COL4A5: variants seen among roughly 807,000 people sequenced by gnomAD.
COL4A5 encodes collagen type IV alpha 5 chain.
COL4A5 carries 26 observed loss-of-function variants against 130.2 expected under a neutral mutation model. That is an observed-to-expected ratio of 0.20 (90% confidence interval 0.15 to 0.28). The LOEUF is 0.28. Ranked by LOEUF, COL4A5 falls within the 10% of genes least tolerant of loss-of-function variation. The pLI is 1.00. For missense variants in COL4A5, 1,131 were observed against 1,344.3 expected (o/e 0.84, Z 2.48); for synonymous variants, 496 against 439.6 (o/e 1.13, Z -1.60).
At chrX:108,575,887 T>C (rs2066139425) in intron 9 of COL4A5, 23 bp from the exon 10 acceptor site, 2 of 1,101,672 alleles carry the variant, frequency 1.8e-6, no homozygotes, top group Admixed American at 4.5e-5. Context: ...TTTTCATCAT[T>C]TTCTTTACTC....
chrX:108,643,723 AC>A (rs1478497871), intron 36 of COL4A5, among the ~76,000 whole-genome samples: 1 of 112,245 alleles, frequency 8.9e-6, no homozygotes, highest in Non-Finnish European at 1.9e-5. Flanking sequence ...GAGCTCTAAA[AC>A]TTGAAACAAA....
In COL4A5 at chrX:108,544,842, G is replaced by C. The variant is rs1362914927; in HGVS notation, c.141+5037G>C. Among the ~76,000 whole-genome samples, 5 of 111,814 alleles carry C rather than the reference G, an allele frequency of 4.5e-5. No homozygotes were observed. The East Asian group carries it at 1.1e-3, about 25-fold the overall frequency. On this transcript the variant is annotated intron_variant, in intron 2 of 52. Coordinates refer to ENST00000328300, the MANE Select transcript of COL4A5 (RefSeq NM_033380.3). Reference sequence around the variant, plus strand: ...TTCTTCCTGGTTTAGTCTTGGGAGAGTGTATGTGTTGAGGAGTTTATCCAT... The same window carrying C: ...TTCTTCCTGGTTTAGTCTTGGGAGACTGTATGTGTTGAGGAGTTTATCCAT...
intron 48 of COL4A5, among the ~76,000 whole-genome samples, chrX:108,686,906 TAAC>T (rs1238050548): frequency 8.9e-6 from 1 of 111,981 alleles, no homozygotes; most frequent in African/African-American, 3.2e-5. Context: ...TCTAGGGAAA[TAAC>T]AAGTTAGTGT....
chrX:108,558,003 C>T (rs868022039), intron 2 of COL4A5, among the ~76,000 whole-genome samples: 51 of 107,096 alleles, frequency 4.8e-4, no homozygotes, highest in African/African-American at 1.7e-3. Flanking sequence ...TATACATGTG[C>T]CATGTTGGTG....
chrX:108,468,068 T>TAC (rs1185077267), intron 1 of COL4A5, among the ~76,000 whole-genome samples: 1 of 111,856 alleles, frequency 8.9e-6, no homozygotes, highest in East Asian at 2.8e-4. Flanking sequence ...ATGTTTTATA[T>TAC]ACATCTTATA....
intron 36 of COL4A5, among the ~76,000 whole-genome samples, chrX:108,634,563 A>T (rs1419304156): frequency 8.9e-6 from 1 of 111,915 alleles, no homozygotes; most frequent in Non-Finnish European, 1.9e-5. Flanking sequence ...GGCATAGAAA[A>T]GATGTGTGCT....
At chrX:108,454,885 T>C (rs1381307098) in intron 1 of COL4A5, among the ~76,000 whole-genome samples, 1 of 111,696 alleles carries the variant, frequency 9.0e-6, no homozygotes, top group Non-Finnish European at 1.9e-5. Context: ...AGTGCTGAGA[T>C]TACAGGTGTG....
Position 108,624,250 on chromosome X carries a change from T to G in COL4A5, c.2932T>G (p.Ser978Ala). The change falls in exon 34 of 53, where the codon TCA becomes GCA. Residue 978 changes from serine (S) to alanine (A), a missense_variant. Transcript: ENST00000328300. ...EPGLPGIPGV[S>A]GPKGYQGLPG... ...ATTCTTGGAAGGTATACCTGGAGTT[T>G]CAGGGCCAAAAGGTTATCAGGGTTT... 1 of 1,210,098 alleles carries G rather than the reference T, an allele frequency of 8.3e-7. No individual in the cohort carries two copies. Among genetic ancestry groups the G allele is most frequent in the Non-Finnish European group, 1.1e-6 (1 of 894,109 alleles).
At chrX:108,454,731 C>A (rs1477407429) in intron 1 of COL4A5, among the ~76,000 whole-genome samples, 1 of 111,245 alleles carries the variant, frequency 9.0e-6, no homozygotes, top group Non-Finnish European at 1.9e-5. Flanking sequence ...CTCTAAGATT[C>A]TGTTTTTTCT....
intron 1 of COL4A5, among the ~76,000 whole-genome samples, chrX:108,441,928 C>T (rs914309912): frequency 1.8e-5 from 2 of 111,714 alleles, no homozygotes; most frequent in Non-Finnish European, 3.8e-5. Context: ...ATTGACAAAA[C>T]TTGAGAGCAA....
intron 36 of COL4A5, among the ~76,000 whole-genome samples, chrX:108,636,939 CTTTTTTTTTTTT>C (rs59497827): frequency 1.4e-4 from 11 of 76,422 alleles, no homozygotes; most frequent in African/African-American, 4.7e-4. Context: ...AATGTAATGT[CTTTTTTTTTTTT>C]TTTTTTTTTT....
At chrX:108,687,883 C>A (rs2068579199) in intron 49 of COL4A5, among the ~76,000 whole-genome samples, 189 bp downstream of exon 49, 2 of 112,076 alleles carry the variant, frequency 1.8e-5, no homozygotes, top group African/African-American at 6.5e-5. Flanking sequence ...TAACCTTAAA[C>A]TAAAAGCATT....
chrX:108,670,853 C>A (rs2068189600), intron 42 of COL4A5, among the ~76,000 whole-genome samples: 1 of 110,652 alleles, frequency 9.0e-6, no homozygotes, highest in Admixed American at 9.6e-5. Flanking sequence ...ACTCGCCTGA[C>A]CAATATAGTG....
chrX:108,558,052 C>A (rs1230215687), intron 2 of COL4A5, among the ~76,000 whole-genome samples: 1 of 103,929 alleles, frequency 9.6e-6, no homozygotes, highest in Non-Finnish European at 2.0e-5. Flanking sequence ...TTAGGTATAT[C>A]TCCTAATGCT....
Position 108,611,617 on chromosome X carries a change from G to A in COL4A5, c.2396-3294G>A, listed in dbSNP as rs146718514. 6.1e-3 allele frequency among the ~76,000 whole-genome samples: 672 copies of A among 111,020 alleles called. 2 individuals carry two copies. The highest frequency in any genetic ancestry group is 0.036 in the East Asian group (128 of 3,542). On this transcript the variant is annotated intron_variant, in intron 29 of 52. Transcript: ENST00000328300. ...GTTGAAGCTCACTAAAGAAGAAATAGGCAATCCAGGAATCTATTTTTTTAA... is the reference window on the plus strand; with the variant it reads ...GTTGAAGCTCACTAAAGAAGAAATAAGCAATCCAGGAATCTATTTTTTTAA...
chrX:108,485,849 C>A (rs761584252), intron 1 of COL4A5, among the ~76,000 whole-genome samples: 29 of 110,972 alleles, frequency 2.6e-4, no homozygotes, highest in Admixed American at 1.5e-3. Flanking sequence ...CTCCCCACCC[C>A]CAAATCCACT....
chrX:108,472,131 A>T (rs2064778113), intron 1 of COL4A5, among the ~76,000 whole-genome samples: 1 of 111,601 alleles, frequency 9.0e-6, no homozygotes, highest in Non-Finnish European at 1.9e-5. Flanking sequence ...TTTAATTTGT[A>T]CATATTTGTG....
chrX:108,470,774 T>C (rs113274265), intron 1 of COL4A5, among the ~76,000 whole-genome samples: 1 of 111,911 alleles, frequency 8.9e-6, no homozygotes, highest in African/African-American at 3.2e-5. Context: ...TCTTATAGTT[T>C]GATGTGCTAC....
intron 43 of COL4A5, among the ~76,000 whole-genome samples, chrX:108,675,758 A>C (rs2147972169): frequency 8.9e-6 from 1 of 111,936 alleles, no homozygotes; most frequent in South Asian, 3.7e-4. Flanking sequence ...CTCATATTTT[A>C]AGATTTGTTT....
Sources: gnomAD v4.1 joint callset for allele counts (sites outside exome capture counted in the v4.1 genomes callset) on GRCh38, gnomAD v4.1.1 for gene constraint, MANE v1.5 for transcripts, NCBI Gene and HGNC (gene_info 2026-07-23, HGNC 2026-07-21) for gene names.